The following PIK3C2A variants were observed in gnomAD, a reference collection of about 807,000 sequenced individuals.
PIK3C2A encodes phosphatidylinositol-4-phosphate 3-kinase catalytic subunit type 2 alpha.
Under a neutral mutation model 204.5 loss-of-function variants are expected in PIK3C2A, and 97 were observed. That is an observed-to-expected ratio of 0.47 (90% CI 0.40 to 0.56). The LOEUF is 0.56. Among genes scored for constraint, PIK3C2A ranks in the 20% least tolerant of loss-of-function variants. The probability of loss-of-function intolerance (pLI) is 0.00; values close to 1 mark genes in which losing one functional copy is unlikely to be tolerated. For missense variants in PIK3C2A, 1,735 were observed against 1,969.2 expected, an observed-to-expected ratio of 0.88 and a Z score of 2.25; for synonymous variants, 653 against 664.4, an observed-to-expected ratio of 0.98 and a Z score of 0.26.
chr11:17,101,748 G>GCACAGGC (rs1848631017), intron 24 of PIK3C2A, among the ~76,000 whole-genome samples: 1 of 151,476 alleles, frequency 6.6e-6, no homozygotes, highest in African/African-American at 2.4e-5. Flanking sequence ...GGACCACAGG[G>GCACAGGC]GCCCGCCACC....
At chr11:17,146,188 T>C (rs567648583) in intron 6 of PIK3C2A, among the ~76,000 whole-genome samples, 40 of 152,312 alleles carry the variant, frequency 2.6e-4, no homozygotes, top group African/African-American at 9.4e-4. Context: ...CTTTCAGATA[T>C]ATAAATAGCT....
At chr11:17,157,149 T>C (rs1850621976) in intron 2 of PIK3C2A, among the ~76,000 whole-genome samples, 1 of 152,196 alleles carries the variant, frequency 6.6e-6, no homozygotes, top group Non-Finnish European at 1.5e-5. Flanking sequence ...ATTTGAGATA[T>C]GAATTCTTCA....
At chr11:17,153,781 T>C (rs940612371) in intron 3 of PIK3C2A, among the ~76,000 whole-genome samples, 3 of 152,336 alleles carry the variant, frequency 2.0e-5, no homozygotes, top group East Asian at 1.9e-4. Flanking sequence ...TGAATAATTT[T>C]AGGAGATCTC....
chr11:17,162,480 A>T (rs1336115163), intron 2 of PIK3C2A, among the ~76,000 whole-genome samples: 1 of 152,206 alleles, frequency 6.6e-6, no homozygotes, highest in Non-Finnish European at 1.5e-5. Flanking sequence ...AACACATTTT[A>T]AGTTCAGCCT....
In PIK3C2A at chr11:17,112,431, C is replaced by T. The variant is rs554602862; in HGVS notation, c.3414+143G>A. 1.5e-4 allele frequency: 52 copies of T among 348,606 alleles called. No individual in the cohort carries two copies. The South Asian group carries it at 2.5e-3, about 17-fold the overall frequency. 21.6% of individuals were successfully genotyped at this position (348,606 alleles called of 1,614,324 possible). On this transcript the variant is annotated intron_variant, in intron 21 of 32. Coordinates refer to ENST00000691414, the MANE Select transcript of PIK3C2A (RefSeq NM_002645.4). Reference sequence around the variant, plus strand: ...TGGTGCCACTGCACTCCAGCCTGAGCGTCAGAACAAGACCCTGTGTAAAAA... The same window carrying T: ...TGGTGCCACTGCACTCCAGCCTGAGTGTCAGAACAAGACCCTGTGTAAAAA...
At chr11:17,202,865 T>C (rs1852436548) in intron 1 of PIK3C2A, among the ~76,000 whole-genome samples, 2 of 152,210 alleles carry the variant, frequency 1.3e-5, no homozygotes, top group African/African-American at 4.8e-5. Flanking sequence ...GCAAATTAAG[T>C]GCACCAACAT....
At chr11:17,153,282 A>G (rs1047055551) in intron 3 of PIK3C2A, among the ~76,000 whole-genome samples, 1 of 152,102 alleles carries the variant, frequency 6.6e-6, no homozygotes, top group Non-Finnish European at 1.5e-5. Flanking sequence ...AAATACAAAA[A>G]AAATTAGCTG....
At chr11:17,187,455 G>A (rs186527138) in intron 1 of PIK3C2A, among the ~76,000 whole-genome samples, 41 of 152,180 alleles carry the variant, frequency 2.7e-4, no homozygotes, top group Middle Eastern at 6.8e-3. Context: ...AGTATATTCA[G>A]AGGTGTGTGA....
At position 17,169,628 on chromosome 11, in the gene PIK3C2A, A is replaced by G; in HGVS notation, c.114T>C (p.Ala38=). The part of the protein sequence containing the change: ...KEEALQMEAE[A]LAKLQKDRQV... Reference sequence around the variant, plus strand: ...GTCTATCCTTTTGCAGTTTTGCTAAAGCCTCTGCTTCCATCTGTAATGCTT... The same window carrying G: ...GTCTATCCTTTTGCAGTTTTGCTAAGGCCTCTGCTTCCATCTGTAATGCTT... Residue 38 remains alanine (A), a synonymous_variant, in exon 2 of 33, where the codon GCT becomes GCC. Transcript: ENST00000691414. 6.2e-7 allele frequency: 1 copy of G among 1,613,920 alleles called. No homozygotes were observed. The highest frequency in any genetic ancestry group is 8.5e-7 in the Non-Finnish European group (1 of 1,180,000).
intron 22 of PIK3C2A, among the ~76,000 whole-genome samples, chr11:17,108,606 T>C (rs138859557): frequency 1.1e-3 from 163 of 152,014 alleles, no homozygotes; most frequent in African/African-American, 3.7e-3. Context: ...ACAGACAGAG[T>C]AAGATCCCAT....
At chr11:17,092,407 C>T (rs1263181325) in intron 28 of PIK3C2A, 131 bp from the exon 29 acceptor site, 9 of 620,184 alleles carry the variant, frequency 1.5e-5, no homozygotes, top group East Asian at 8.2e-5. Context: ...TGGCCGGGCA[C>T]GGTGGCTCAT....
chr11:17,106,748 A>T (rs1848834097), intron 22 of PIK3C2A, among the ~76,000 whole-genome samples: 1 of 152,134 alleles, frequency 6.6e-6, no homozygotes, highest in Non-Finnish European at 1.5e-5. Flanking sequence ...AGTGAGGAAA[A>T]CTATTTTAAT....
intron 3 of PIK3C2A, among the ~76,000 whole-genome samples, chr11:17,151,687 T>TGATAGTAAGTAA (rs759102119): frequency 5.9e-5 from 9 of 152,200 alleles, no homozygotes; most frequent in Non-Finnish European, 1.3e-4. Flanking sequence ...ACTACTTACC[T>TGATAGTAAGTAA]GATAGGGTTG....
rs145099632 is a variant in PIK3C2A at position 17,091,808 on chromosome 11, T to C, written c.4643-152A>G. 3 of 663,714 alleles carry C rather than the reference T, an allele frequency of 4.5e-6. No individual in the cohort carries two copies. The African/African-American group carries it at 5.5e-5, about 12-fold the overall frequency. 41.1% of individuals were successfully genotyped at this position (663,714 alleles called of 1,614,324 possible). A position where few individuals can be genotyped will look rare whatever the true frequency, so the allele number is the denominator to read the frequency against. The stretch of plus-strand genomic sequence containing the variant: ...AACAACCTGATAGGTCATTGATTTA[T>C]ACTTCTTTAGTAATCACATCTATTA... On this transcript the variant is annotated intron_variant, in intron 30 of 32. Transcript: ENST00000691414.
At chr11:17,125,251 C>T (rs948979936) in intron 13 of PIK3C2A, among the ~76,000 whole-genome samples, 7 of 152,076 alleles carry the variant, frequency 4.6e-5, no homozygotes, top group Admixed American at 2.6e-4. Flanking sequence ...GAGTGATTTT[C>T]CTTCCAGCAG....
At chr11:17,139,885 G>A (rs1444388566) in intron 8 of PIK3C2A, among the ~76,000 whole-genome samples, 3 of 152,078 alleles carry the variant, frequency 2.0e-5, no homozygotes, top group African/African-American at 4.8e-5. Context: ...AGGCAGCTGA[G>A]CACTTTTAGG....
intron 5 of PIK3C2A, 150 bp downstream of exon 5, chr11:17,148,517 T>C (rs1426379081): frequency 3.0e-6 from 2 of 669,318 alleles, no homozygotes; most frequent in African/African-American, 1.8e-5. Flanking sequence ...TTAGACATTA[T>C]ATATTTCAAT....
intron 1 of PIK3C2A, among the ~76,000 whole-genome samples, chr11:17,202,964 C>T (rs920342768): frequency 6.6e-6 from 1 of 152,210 alleles, no homozygotes; most frequent in Non-Finnish European, 1.5e-5. Context: ...TAATTATACA[C>T]TATCTTAATG....
At chr11:17,129,917 G>A (rs1458332791) in intron 12 of PIK3C2A, among the ~76,000 whole-genome samples, 1 of 152,134 alleles carries the variant, frequency 6.6e-6, no homozygotes, top group African/African-American at 2.4e-5. Context: ...GTAACCTTTA[G>A]CTAAATAGAA....
Sources: allele counts gnomAD v4.1 joint callset (sites outside exome capture counted in the v4.1 genomes callset), GRCh38; gene constraint gnomAD v4.1.1; transcripts MANE v1.5; gene names NCBI Gene and HGNC (gene_info 2026-07-23, HGNC 2026-07-21).